UTRN: variants seen among roughly 807,000 people sequenced by gnomAD.
UTRN encodes the protein utrophin.
A neutral mutation model predicts 463.9 loss-of-function variants in UTRN; 283 were observed. The observed-to-expected ratio is 0.61, with a 90% confidence interval of 0.55 to 0.67. The LOEUF (loss-of-function observed/expected upper bound fraction) is 0.67, where lower values mean the gene tolerates loss of function less well. Among genes scored for constraint, UTRN ranks in the 30% least tolerant of loss-of-function variants. The probability of loss-of-function intolerance (pLI) is 0.00; values close to 1 mark genes in which losing one functional copy is unlikely to be tolerated. For missense variants in UTRN, 3,922 were observed against 4,084.3 expected, an observed-to-expected ratio of 0.96 and a Z score of 1.08; for synonymous variants, 1,442 against 1,431.5, an observed-to-expected ratio of 1.01 and a Z score of -0.17.
intron 22 of UTRN, among the ~76,000 whole-genome samples, chr6:144,462,311 T>C (rs1789505530): frequency 6.6e-6 from 1 of 152,226 alleles, no homozygotes. Flanking sequence ...TAGTCTATCA[T>C]TGATGGGCAT....
At chr6:144,594,270 AT>A (rs34806183) in intron 51 of UTRN, among the ~76,000 whole-genome samples, 23,681 of 151,892 alleles carry the variant, frequency 0.16, 2,070 homozygotes, top group South Asian at 0.27. Flanking sequence ...GCTTTAATAT[AT>A]TTTTTTTGTG....
intron 35 of UTRN, among the ~76,000 whole-genome samples, chr6:144,512,694 C>T (rs930586647): frequency 7.2e-5 from 11 of 151,882 alleles, no homozygotes; most frequent in African/African-American, 2.4e-4. Context: ...GCATGCGCCA[C>T]CACACCCGGC....
intron 54 of UTRN, among the ~76,000 whole-genome samples, chr6:144,742,344 A>G (rs1158552016): frequency 1.3e-5 from 2 of 152,174 alleles, no homozygotes; most frequent in Admixed American, 1.3e-4. Context: ...CAGAGTAGGA[A>G]ATGGTCAGGG....
chr6:144,831,636 T>C (rs1025827572), intron 69 of UTRN, among the ~76,000 whole-genome samples: 2 of 152,144 alleles, frequency 1.3e-5, no homozygotes, highest in African/African-American at 2.4e-5. Flanking sequence ...TAAAAGGAAA[T>C]TGATGTTACG....
chr6:144,671,320 G>T (rs1011612193), intron 51 of UTRN, among the ~76,000 whole-genome samples: 5 of 151,990 alleles, frequency 3.3e-5, no homozygotes, highest in African/African-American at 4.8e-5. Flanking sequence ...TCTTTCAGCA[G>T]CATTTTATAG....
intron 19 of UTRN, among the ~76,000 whole-genome samples, chr6:144,455,162 A>T (rs1443999859): frequency 1.3e-5 from 2 of 152,218 alleles, no homozygotes; most frequent in African/African-American, 2.4e-5. Context: ...CCATGTGGAC[A>T]GTGTATGTCC....
At chr6:144,349,543 T>C (rs1777926406) in intron 2 of UTRN, among the ~76,000 whole-genome samples, 1 of 152,204 alleles carries the variant, frequency 6.6e-6, no homozygotes, top group Non-Finnish European at 1.5e-5. Context: ...AATGGAATAA[T>C]AAATTCTGTA....
chr6:144,681,132 T>C (rs1027819541), intron 52 of UTRN, among the ~76,000 whole-genome samples: 8 of 152,106 alleles, frequency 5.3e-5, no homozygotes, highest in Admixed American at 4.6e-4. Context: ...ATTGAGCAGA[T>C]AATTAGTTCA....
intron 2 of UTRN, among the ~76,000 whole-genome samples, chr6:144,397,603 C>A (rs1562340894): frequency 6.6e-6 from 1 of 151,520 alleles, no homozygotes; most frequent in Admixed American, 6.6e-5. Flanking sequence ...CTTGTAGATA[C>A]CAAAATTATA....
intron 54 of UTRN, among the ~76,000 whole-genome samples, chr6:144,732,283 C>CACAT (rs1478264012): frequency 0.13 from 15,422 of 122,632 alleles, 1,249 homozygotes; most frequent in Admixed American, 0.25. Flanking sequence ...TATATACACA[C>CACAT]ATATATATAT....
chr6:144,439,484 A>C (rs1051386111), intron 12 of UTRN, among the ~76,000 whole-genome samples: 3 of 151,654 alleles, frequency 2.0e-5, no homozygotes, highest in Non-Finnish European at 2.9e-5. Context: ...TATTTAAATA[A>C]ATTTTCTTTC....
chr6:144,615,416 C>G (rs1380399615), intron 51 of UTRN, among the ~76,000 whole-genome samples: 3 of 152,120 alleles, frequency 2.0e-5, no homozygotes, highest in East Asian at 3.9e-4. Flanking sequence ...GTTGCCATCT[C>G]AGGCATTACT....
intron 2 of UTRN, among the ~76,000 whole-genome samples, chr6:144,321,856 C>T (rs905362278): frequency 6.6e-6 from 1 of 151,770 alleles, no homozygotes; most frequent in African/African-American, 2.4e-5. Flanking sequence ...ACCTCCGCCT[C>T]GGGTTCAAGC....
intron 4 of UTRN, 106 bp from the exon 5 acceptor site, chr6:144,423,443 G>A: frequency 9.0e-7 from 1 of 1,112,164 alleles, no homozygotes; most frequent in Non-Finnish European, 1.3e-6. Context: ...TGCCTCTGAG[G>A]GGCCCTGTAC....
chr6:144,318,673 A>G (rs983559587), intron 2 of UTRN, among the ~76,000 whole-genome samples: 1 of 152,146 alleles, frequency 6.6e-6, no homozygotes, highest in Admixed American at 6.5e-5. Flanking sequence ...CATGTTGGCC[A>G]GGCTGGTCTT....
At chr6:144,605,981 T>G (rs1194155401) in intron 51 of UTRN, among the ~76,000 whole-genome samples, 1 of 152,190 alleles carries the variant, frequency 6.6e-6, no homozygotes, top group Non-Finnish European at 1.5e-5. Flanking sequence ...CAAAAACTCT[T>G]TCTTGGAAAT....
chr6:144,429,610 T>A lies in UTRN; in HGVS notation c.724T>A (p.Ser242Thr). ...DVAVQLPDKK[S>T]IIMYLTSLFE... ...TGCCGTTCAGCTTCCTGACAAGAAA[T>A]CCATAATTATGTATTTAACATCTTT... Residue 242 changes from serine to threonine, a missense_variant, in exon 9 of 75, where the codon TCC (serine) becomes ACC (threonine). Transcript: ENST00000367545. 1 of 1,606,194 alleles carries A rather than the reference T, an allele frequency of 6.2e-7. No homozygotes were observed.
chr6:144,589,678 A>C (rs1367525383), intron 51 of UTRN, among the ~76,000 whole-genome samples: 1 of 152,154 alleles, frequency 6.6e-6, no homozygotes, highest in Non-Finnish European at 1.5e-5. Flanking sequence ...TTGTCTAAAG[A>C]AATTTCACCT....
chr6:144,475,747 C>T (rs531502869), intron 25 of UTRN, among the ~76,000 whole-genome samples: 2 of 152,034 alleles, frequency 1.3e-5, no homozygotes, highest in African/African-American at 4.8e-5. Flanking sequence ...GTAGCTGGAA[C>T]TATAGATGTT....
Sources: gnomAD v4.1 joint callset for allele counts (sites outside exome capture counted in the v4.1 genomes callset) on GRCh38, gnomAD v4.1.1 for gene constraint, MANE v1.5 for transcripts, NCBI Gene and HGNC (gene_info 2026-07-23, HGNC 2026-07-21) for gene names.